RDH14: variants seen among roughly 807,000 people sequenced by gnomAD.
RDH14 encodes the protein alcohol dehydrogenase PAN2.
In RDH14, 17 loss-of-function variants were observed where a neutral mutation model predicts 19.3. That is an observed-to-expected ratio of 0.88 (90% CI 0.60 to 1.32). The LOEUF is 1.32. Ranked by LOEUF, RDH14 falls within the 40% of genes most tolerant of loss-of-function variation. The pLI is 0.00. For missense variants in RDH14, 534 were observed against 449.2 expected (o/e 1.19, Z -1.71); for synonymous variants, 215 against 188.9 (o/e 1.14, Z -1.13).
Position 18,560,460 on chromosome 2 carries a change from G to C in RDH14, c.113C>G (p.Pro38Arg). The change falls in exon 1 of 2, where the codon CCC becomes CGC. Residue 38 changes from proline (P) to arginine (R), a missense_variant. Coordinates refer to ENST00000381249, the MANE Select transcript of RDH14 (RefSeq NM_020905.4). ...RVQRLRRGGD[P>R]GLMHGKTVLI... is the part of the protein sequence containing the mutation. ...CACAGTCTTCCCGTGCATGAGGCCG[G>C]GGTCCCCGCCTCTGCGCAGCCGCTG... 1.3e-6 allele frequency: 2 copies of C among 1,514,070 alleles called. No individual in the cohort carries two copies. The highest frequency in any genetic ancestry group is 1.8e-6 in the Non-Finnish European group (2 of 1,139,330). The allele number at this position is 1,514,070 out of a possible 1,614,324, so 93.8% of individuals were successfully genotyped here. A position where few individuals can be genotyped will look rare whatever the true frequency, so the allele number is the denominator to read the frequency against.
intron 1 of RDH14, among the ~76,000 whole-genome samples, chr2:18,559,834 C>G (rs35805648): frequency 0.18 from 27,474 of 152,092 alleles, 3,100 homozygotes; most frequent in South Asian, 0.37. Flanking sequence ...TCACTTCTGA[C>G]ACAGGAAAAA....
rs201455737 is a variant in RDH14 at position 18,555,544 on chromosome 2, T to G, written c.658A>C (p.Ser220Arg). Residue 220 changes from serine to arginine, a missense_variant, in exon 2 of 2, where the codon AGC becomes CGC. Coordinates refer to ENST00000381249, the MANE Select transcript of RDH14 (RefSeq NM_020905.4). Reference sequence around the variant, plus strand: ...GTAAAAAGAATGTTAGCCAGTTTGCTCCGGCTATAACAAAAGCTTTTATTA... The same window carrying G: ...GTAAAAAGAATGTTAGCCAGTTTGCGCCGGCTATAACAAAAGCTTTTATTA... ...SYNKSFCYSR[S>R]KLANILFTRE... The G allele has an allele frequency of 2.5e-6, 4 of 1,614,168 alleles. No homozygotes were observed. The African/African-American group carries it at 4.0e-5, about 16-fold the overall frequency.
At position 18,560,546 on chromosome 2, in the gene RDH14, T is replaced by A; in HGVS notation, c.27A>T (p.Val9=). ...ACAGCGCCCCGCCCAGAGCGGCCAG[T>A]ACTGCCGCCGCAGTGGCCACTGCCA... The part of the protein sequence containing the change: MAVATAAA[V]LAALGGALWL... Residue 9 remains valine (V), a synonymous_variant, in exon 1 of 2, where the codon GTA becomes GTT. Transcript: ENST00000381249. 2 of 1,500,214 alleles carry A rather than the reference T, an allele frequency of 1.3e-6. No homozygotes were observed. Among genetic ancestry groups the A allele is most frequent in the Admixed American group, 2.1e-5 (1 of 46,822 alleles). The allele number at this position is 1,500,214 out of a possible 1,614,324, so 92.9% of individuals were successfully genotyped here. A position where few individuals can be genotyped will look rare whatever the true frequency, so the allele number is the denominator to read the frequency against.
intron 1 of RDH14, among the ~76,000 whole-genome samples, chr2:18,556,722 G>C (rs1013929059): frequency 6.6e-6 from 1 of 152,184 alleles, no homozygotes; most frequent in African/African-American, 2.4e-5. Flanking sequence ...TTTCAAAACA[G>C]CTAGAGAGGC....
Position 18,560,536 on chromosome 2 carries a change from G to C in RDH14, c.37C>G (p.Leu13Val). The change falls in exon 1 of 2, where the codon CTG (leucine) becomes GTG (valine). Residue 13 changes from leucine (L) to valine (V), a missense_variant. Coordinates refer to ENST00000381249, the MANE Select transcript of RDH14 (RefSeq NM_020905.4). ...GCCGCCAGCCACAGCGCCCCGCCCA[G>C]AGCGGCCAGTACTGCCGCCGCAGTG... ...VATAAAVLAA[L>V]GGALWLAARR... 6.6e-7 allele frequency: 1 copy of C among 1,507,984 alleles called. No individual in the cohort carries two copies. The highest frequency in any genetic ancestry group is 8.8e-7 in the Non-Finnish European group (1 of 1,136,434). The allele number at this position is 1,507,984 out of a possible 1,614,324, so 93.4% of individuals were successfully genotyped here.
intron 1 of RDH14, among the ~76,000 whole-genome samples, chr2:18,559,883 A>C (rs1664041889): frequency 6.6e-6 from 1 of 152,180 alleles, no homozygotes; most frequent in African/African-American, 2.4e-5. Context: ...GGCGGTCCTC[A>C]CGTAACGAAA....
rs1184612044 is a variant in RDH14, at chr2:18,560,325, G to A, written c.248C>T (p.Ala83Val). The A allele has an allele frequency of 2.1e-5, 30 of 1,415,996 alleles. No individual in the cohort carries two copies. Among genetic ancestry groups the A allele is most frequent in the Admixed American group, 6.8e-5 (2 of 29,258 alleles). The allele number at this position is 1,415,996 out of a possible 1,614,324, so 87.7% of individuals were successfully genotyped here. The change falls in exon 1 of 2, where the codon GCG (alanine) becomes GTG (valine). Residue 83 changes from alanine to valine, a missense_variant. Coordinates refer to ENST00000381249, the MANE Select transcript of RDH14 (RefSeq NM_020905.4). Reference sequence around the variant, plus strand: ...GAGCTCGCGGCGGAGCTGACCCGCCGCCTCCTCGGCGCGCGCGCGGTCCCG... The same window carrying A: ...GAGCTCGCGGCGGAGCTGACCCGCCACCTCCTCGGCGCGCGCGCGGTCCCG... ...GCRDRARAEE[A>V]AGQLRRELRQ...
intron 1 of RDH14, among the ~76,000 whole-genome samples, chr2:18,556,499 G>A (rs955728229): frequency 7.9e-4 from 120 of 152,238 alleles, no homozygotes; most frequent in African/African-American, 2.6e-3. Context: ...AAAAATAGAT[G>A]CAGAAGCTTG....
intron 1 of RDH14, among the ~76,000 whole-genome samples, chr2:18,557,677 C>T (rs1300828916): frequency 6.6e-6 from 1 of 151,902 alleles, no homozygotes; most frequent in African/African-American, 2.4e-5. Context: ...AGTCACTTAA[C>T]TTCAGAGCCA....
In RDH14 at chr2:18,560,607, G is replaced by C; in HGVS notation, c.-35C>G. The stretch of plus-strand genomic sequence containing the variant: ...CGAGGGCCCACCGGCCCCTCCACGG[G>C]AGTTCCGCAGCCGCCGCCTTACCGG... On this transcript the variant is annotated 5_prime_UTR_variant, in exon 1 of 2. Transcript: ENST00000381249. The C allele has an allele frequency of 1.4e-6, 2 of 1,391,052 alleles. No homozygotes were observed. Among genetic ancestry groups the C allele is most frequent in the East Asian group, 3.0e-5 (1 of 32,806 alleles). The allele number at this position is 1,391,052 out of a possible 1,614,324, so 86.2% of individuals were successfully genotyped here.
In RDH14 at chr2:18,555,208, C is replaced by T; in HGVS notation, c.994G>A (p.Val332Ile). The change falls in exon 2 of 2, where the codon GTT becomes ATT. Residue 332 changes from valine (V) to isoleucine (I), a missense_variant. Val to Ile is a conservative substitution (Grantham distance 29). Transcript: ENST00000381249. Reference sequence around the variant, plus strand: ...CCTTGTTCCTATTTTAGCAGGCCAACCATCACTTCACTGATATCCCAGAGT... The same window carrying T: ...CCTTGTTCCTATTTTAGCAGGCCAATCATCACTTCACTGATATCCCAGAGT... The part of the protein sequence containing the change: ...RKLWDISEVM[V>I]GLLK 6.2e-7 allele frequency: 1 copy of T among 1,613,668 alleles called. No homozygotes were observed. The highest frequency in any genetic ancestry group is 8.5e-7 in the Non-Finnish European group (1 of 1,179,618).
At position 18,560,277 on chromosome 2, in the gene RDH14, G is replaced by A. The variant is rs912095346; in HGVS notation, c.296C>T (p.Pro99Leu). The A allele has an allele frequency of 3.2e-5, 48 of 1,499,998 alleles. No homozygotes were observed. The highest frequency in any genetic ancestry group is 5.8e-5 in the African/African-American group (4 of 68,840). The allele number at this position is 1,499,998 out of a possible 1,614,324, so 92.9% of individuals were successfully genotyped here. Residue 99 changes from proline (P) to leucine (L), a missense_variant, in exon 1 of 2, where the codon CCA becomes CTA. Transcript: ENST00000381249. Reference protein sequence around the residue: ...RELRQAAECGPEPGVSGVGEL... With the variant: ...RELRQAAECGLEPGVSGVGEL... ...GCCCACCCCGCTGACGCCAGGCTCT[G>A]GGCCGCACTCCGCGGCCTGGCGGAG... is the stretch of plus-strand genomic sequence containing the variant.
At position 18,560,617 on chromosome 2, in the gene RDH14, G is replaced by A. The variant is rs2148057657; in HGVS notation, c.-45C>T. 7.2e-7 allele frequency: 1 copy of A among 1,385,506 alleles called. No homozygotes were observed. Among genetic ancestry groups the A allele is most frequent in the Non-Finnish European group, 9.3e-7 (1 of 1,079,658 alleles). 85.8% of individuals were successfully genotyped at this position (1,385,506 alleles called of 1,614,324 possible). On this transcript the variant is annotated 5_prime_UTR_variant, in exon 1 of 2. Coordinates refer to ENST00000381249, the MANE Select transcript of RDH14 (RefSeq NM_020905.4). ...CCGGCCCCTCCACGGGAGTTCCGCAGCCGCCGCCTTACCGGAACCCAAGAG... is the reference window on the plus strand; with the variant it reads ...CCGGCCCCTCCACGGGAGTTCCGCAACCGCCGCCTTACCGGAACCCAAGAG...
chr2:18,555,945 C>A, intron 1 of RDH14, 137 bp from the exon 2 acceptor site: 4 of 1,403,880 alleles, frequency 2.8e-6, no homozygotes, highest in Admixed American at 5.2e-5. Context: ...GTTGGTCTAT[C>A]GATCAGAGAA....
intron 1 of RDH14, 119 bp downstream of exon 1, chr2:18,560,061 G>C: frequency 1.7e-6 from 2 of 1,158,924 alleles, no homozygotes; most frequent in South Asian, 3.3e-5. Context: ...AGCCTCAGCG[G>C]TTCCCAAGGT....
intron 1 of RDH14, among the ~76,000 whole-genome samples, chr2:18,559,278 A>C (rs537915286): frequency 6.6e-6 from 1 of 152,322 alleles, no homozygotes; most frequent in Non-Finnish European, 1.5e-5. Context: ...CTTATGTGGA[A>C]TTACTTACCA....
chr2:18,556,527 T>G (rs2148052662), intron 1 of RDH14, among the ~76,000 whole-genome samples: 1 of 152,304 alleles, frequency 6.6e-6, no homozygotes, highest in South Asian at 2.1e-4. Context: ...CCAGGCTTTG[T>G]GCTTTTCGCA....
chr2:18,557,454 A>G (rs1434996835), intron 1 of RDH14, among the ~76,000 whole-genome samples: 2 of 152,260 alleles, frequency 1.3e-5, no homozygotes, highest in Non-Finnish European at 2.9e-5. Context: ...GAGTTCACTC[A>G]TGGGGGAAAG....
At chr2:18,558,308 A>AT (rs1353937984) in intron 1 of RDH14, among the ~76,000 whole-genome samples, 1 of 152,174 alleles carries the variant, frequency 6.6e-6, no homozygotes, top group Non-Finnish European at 1.5e-5. Flanking sequence ...TAAACATATT[A>AT]TTTTTTTCTT....
Sources: gnomAD v4.1 joint callset for allele counts (sites outside exome capture counted in the v4.1 genomes callset) on GRCh38, gnomAD v4.1.1 for gene constraint, MANE v1.5 for transcripts, NCBI Gene and HGNC (gene_info 2026-07-23, HGNC 2026-07-21) for gene names.